TANC2: variants seen among roughly 807,000 people sequenced by gnomAD.
The protein encoded by TANC2 is protein TANC2.
TANC2 carries 26 observed loss-of-function variants against 210.5 expected under a neutral mutation model. The ratio of observed to expected loss-of-function variants is 0.12; its 90% CI spans 0.09 to 0.17. TANC2 has a LOEUF of 0.17. TANC2 is among the 10% of genes least tolerant of loss of function. TANC2 has a pLI of 1.00. For missense variants in TANC2, 2,129 were observed against 2,608.9 expected, an observed-to-expected ratio of 0.82 and a Z score of 4.01; for synonymous variants, 931 against 967.1, an observed-to-expected ratio of 0.96 and a Z score of 0.69.
At chr17:63,102,206 G>C (rs1165249158) in intron 4 of TANC2, among the ~76,000 whole-genome samples, 2 of 152,074 alleles carry the variant, frequency 1.3e-5, no homozygotes, top group Non-Finnish European at 2.9e-5. Context: ...AGCTACCAAG[G>C]AGGCTACGGT....
At chr17:63,192,570 T>C (rs1159310299) in intron 5 of TANC2, among the ~76,000 whole-genome samples, 1 of 151,744 alleles carries the variant, frequency 6.6e-6, no homozygotes, top group African/African-American at 2.4e-5. Context: ...GACACTGTGT[T>C]GTGCTCATTG....
At chr17:63,187,943 C>A (rs1460316937) in intron 5 of TANC2, among the ~76,000 whole-genome samples, 2 of 151,946 alleles carry the variant, frequency 1.3e-5, no homozygotes, top group Non-Finnish European at 2.9e-5. Context: ...GAATGGTATA[C>A]CCTGAAAAAT....
At chr17:63,398,511 A>G (rs566617268) in intron 18 of TANC2, among the ~76,000 whole-genome samples, 1 of 151,902 alleles carries the variant, frequency 6.6e-6, no homozygotes, top group Non-Finnish European at 1.5e-5. Flanking sequence ...TTTATTTTCT[A>G]TGGCTTTTTT....
At chr17:63,283,749 T>C (rs1042512008) in intron 9 of TANC2, among the ~76,000 whole-genome samples, 1 of 152,024 alleles carries the variant, frequency 6.6e-6, no homozygotes, top group African/African-American at 2.4e-5. Flanking sequence ...TATGCTATTG[T>C]AAATGATATT....
intron 11 of TANC2, chr17:63,331,838 GTGTGTGTGTGTGTGTGTC>G (rs1361619874): frequency 1.3e-4 from 19 of 146,626 alleles, no homozygotes; most frequent in African/African-American, 1.2e-4. Context: ...AGATAAGAGT[GTGTGTGTGTGTGTGTGTC>G]TGTGTGTGTG....
intron 14 of TANC2, among the ~76,000 whole-genome samples, chr17:63,379,517 A>C (rs1262407247): frequency 6.6e-6 from 1 of 152,168 alleles, no homozygotes; most frequent in Non-Finnish European, 1.5e-5. Context: ...TAAAATAGAA[A>C]AATTAGCCAG....
chr17:63,209,330 T>A (rs1296879634), intron 7 of TANC2, among the ~76,000 whole-genome samples: 1 of 151,844 alleles, frequency 6.6e-6, no homozygotes, highest in Non-Finnish European at 1.5e-5. Flanking sequence ...TTTTTTTTCC[T>A]TGTTGTACCA....
chr17:63,141,773 C>A (rs977852147), intron 4 of TANC2, among the ~76,000 whole-genome samples: 2 of 151,974 alleles, frequency 1.3e-5, no homozygotes, highest in African/African-American at 4.8e-5. Flanking sequence ...GGGATGTTTT[C>A]TCTTCCATTT....
chr17:63,057,929 TA>T (rs535931812), intron 2 of TANC2, among the ~76,000 whole-genome samples: 1,524 of 152,246 alleles, frequency 0.01, 9 homozygotes, highest in Non-Finnish European at 0.013. Flanking sequence ...AACAGTTTTG[TA>T]TTCTTTTGGG....
chr17:63,336,190 G>A (rs563526565), intron 11 of TANC2, among the ~76,000 whole-genome samples: 15 of 152,314 alleles, frequency 9.8e-5, no homozygotes, highest in African/African-American at 2.6e-4. Flanking sequence ...GAAATCAATC[G>A]GGTGGTAGTG....
At chr17:63,353,724 T>C (rs961575243) in intron 13 of TANC2, among the ~76,000 whole-genome samples, 1 of 151,920 alleles carries the variant, frequency 6.6e-6, no homozygotes, top group African/African-American at 2.4e-5. Flanking sequence ...GCCAGTGTGC[T>C]AAGAGAGAAA....
At chr17:63,255,911 T>C (rs1296126960) in intron 8 of TANC2, among the ~76,000 whole-genome samples, 4 of 144,410 alleles carry the variant, frequency 2.8e-5, no homozygotes, top group African/African-American at 7.6e-5. Context: ...TTCTTTTTTT[T>C]TTTTTTTTTT....
chr17:63,010,354 G>C (rs2033810024), intron 2 of TANC2, among the ~76,000 whole-genome samples: 1 of 151,890 alleles, frequency 6.6e-6, no homozygotes, highest in African/African-American at 2.4e-5. Flanking sequence ...AACTGTTGCT[G>C]ATTTTTTGTT....
intron 9 of TANC2, among the ~76,000 whole-genome samples, chr17:63,306,194 G>A (rs1426927638): frequency 1.3e-5 from 2 of 152,202 alleles, no homozygotes; most frequent in African/African-American, 2.4e-5. Flanking sequence ...AGTTGGAAAC[G>A]AACAGAGGTA....
intron 2 of TANC2, among the ~76,000 whole-genome samples, chr17:63,049,282 A>T (rs2035492303): frequency 6.6e-6 from 1 of 152,238 alleles, no homozygotes; most frequent in African/African-American, 2.4e-5. Flanking sequence ...AATTAAGATG[A>T]ATAGGTAAAA....
chr17:63,277,648 A>G (rs1474182538), intron 9 of TANC2, among the ~76,000 whole-genome samples: 3 of 152,070 alleles, frequency 2.0e-5, no homozygotes, highest in Non-Finnish European at 4.4e-5. Context: ...GATACTTAAG[A>G]AAAGCTAAAA....
chr17:63,328,116 C>A lies in TANC2; in HGVS notation c.1575+9026C>A, dbSNP rs187102223. 1.7e-3 allele frequency among the ~76,000 whole-genome samples: 252 copies of A among 152,186 alleles called. 1 individual carries two copies. Among genetic ancestry groups the A allele is most frequent in the Non-Finnish European group, 2.4e-3 (165 of 68,010 alleles). On this transcript the variant is annotated intron_variant, in intron 11 of 27. Coordinates refer to ENST00000689528, the Ensembl canonical transcript of TANC2. ...GAATACCAAATACTGCATGTTCTTG[C>A]TAATAAATGGGAGCTAAACATTGAG... is the stretch of plus-strand genomic sequence containing the variant.
At chr17:63,370,038 C>T (rs1332126498) in intron 14 of TANC2, among the ~76,000 whole-genome samples, 2 of 152,198 alleles carry the variant, frequency 1.3e-5, no homozygotes, top group Admixed American at 6.5e-5. Context: ...TAGCATTTCT[C>T]ACCTAGCCTT....
chr17:63,018,472 C>A (rs1473899075), intron 2 of TANC2, among the ~76,000 whole-genome samples: 1 of 147,354 alleles, frequency 6.8e-6, no homozygotes, highest in Non-Finnish European at 1.5e-5. Context: ...CAGAGTGAGA[C>A]TCTGTCTCAA....
Sources: allele counts gnomAD v4.1 joint callset (sites outside exome capture counted in the v4.1 genomes callset), GRCh38; gene constraint gnomAD v4.1.1; transcripts MANE v1.5; gene names NCBI Gene and HGNC (gene_info 2026-07-23, HGNC 2026-07-21).